FAM193A: variants seen among roughly 807,000 people sequenced by gnomAD.
FAM193A encodes the protein family with sequence similarity 193 member A.
Under a neutral mutation model 126.5 loss-of-function variants are expected in FAM193A, and 22 were observed. That is an observed-to-expected ratio of 0.17 (90% CI 0.12 to 0.25). The LOEUF is 0.25. Ranked by LOEUF, FAM193A falls within the 10% of genes least tolerant of loss-of-function variation. The probability of loss-of-function intolerance (pLI) is 1.00; values close to 1 mark genes in which losing one functional copy is unlikely to be tolerated. For missense variants in FAM193A, 1,675 were observed against 1,672.8 expected (o/e 1.00, Z -0.02); for synonymous variants, 761 against 646.8 (o/e 1.18, Z -2.68).
intron 12 of FAM193A, among the ~76,000 whole-genome samples, chr4:2,668,925 C>G (rs1242112041): frequency 6.6e-6 from 1 of 152,104 alleles, no homozygotes; most frequent in Non-Finnish European, 1.5e-5. Flanking sequence ...TCACTTCAAC[C>G]TCCACCTCCC....
In FAM193A at chr4:2,715,589, A is replaced by G. The variant is rs542115349; in HGVS notation, c.4373-434A>G. 2,470 of 876,460 alleles carry G rather than the reference A, an allele frequency of 2.8e-3. 5 individuals are homozygous for G. Among genetic ancestry groups the G allele is most frequent in the Non-Finnish European group, 3.2e-3 (2,311 of 719,490 alleles). The allele number at this position is 876,460 out of a possible 1,614,324, so 54.3% of individuals were successfully genotyped here. The stretch of plus-strand genomic sequence containing the variant: ...CATTCGAGGGACAGCCCTTTCCTTA[A>G]CATGGGCCTGTCCCCTGGGCAGCTT... On this transcript the variant is annotated intron_variant, in intron 19 of 20. Coordinates refer to ENST00000637812, the MANE Select transcript of FAM193A (RefSeq NM_001366318.2).
chr4:2,541,272 T>C (rs1284406697), intron 1 of FAM193A, among the ~76,000 whole-genome samples: 1 of 151,488 alleles, frequency 6.6e-6, no homozygotes, highest in Non-Finnish European at 1.5e-5. Context: ...GTGGAGATTG[T>C]CATGAGCTGA....
At chr4:2,548,384 T>C (rs1443323778) in intron 1 of FAM193A, among the ~76,000 whole-genome samples, 1 of 152,100 alleles carries the variant, frequency 6.6e-6, no homozygotes, top group East Asian at 1.9e-4. Context: ...TTTGCCTATT[T>C]TTTGAAAGTT....
At chr4:2,667,438 C>A (rs1713248557) in intron 12 of FAM193A, among the ~76,000 whole-genome samples, 1 of 152,180 alleles carries the variant, frequency 6.6e-6, no homozygotes, top group South Asian at 2.1e-4. Flanking sequence ...TCAAGTTTAA[C>A]TGTTGGATTA....
At chr4:2,621,945 G>C (rs1300204617) in intron 2 of FAM193A, among the ~76,000 whole-genome samples, 1 of 152,182 alleles carries the variant, frequency 6.6e-6, no homozygotes, top group South Asian at 2.1e-4. Flanking sequence ...CAGGTACTCA[G>C]GTCCAGTCTA....
intron 8 of FAM193A, 83 bp from the exon 9 acceptor site, chr4:2,659,475 T>C (rs1712132771): frequency 3.2e-6 from 3 of 938,460 alleles, no homozygotes; most frequent in South Asian, 1.4e-5. Context: ...ACATGATACA[T>C]GTCAGCAGAA....
intron 2 of FAM193A, among the ~76,000 whole-genome samples, chr4:2,613,453 A>G (rs1337506433): frequency 4.3e-5 from 5 of 115,434 alleles, no homozygotes; most frequent in African/African-American, 1.7e-4. Flanking sequence ...GCCTTTTGGT[A>G]GGTTTCTTTT....
chr4:2,671,584 C>T (rs143594312), intron 12 of FAM193A, among the ~76,000 whole-genome samples: 154 of 152,276 alleles, frequency 1.0e-3, no homozygotes, highest in African/African-American at 3.6e-3. Context: ...ATAAATGTGT[C>T]GCGGTATTTT....
chr4:2,553,521 C>A (rs1407936628), intron 1 of FAM193A, among the ~76,000 whole-genome samples: 1 of 151,884 alleles, frequency 6.6e-6, no homozygotes, highest in Non-Finnish European at 1.5e-5. Context: ...GCTGGGACTA[C>A]AGGCGCGCAC....
intron 1 of FAM193A, among the ~76,000 whole-genome samples, chr4:2,583,135 G>C (rs116296152): frequency 6.6e-6 from 1 of 152,158 alleles, no homozygotes; most frequent in African/African-American, 2.4e-5. Flanking sequence ...GCCAATTATT[G>C]TATTTTCAGT....
chr4:2,618,118 C>G (rs1742317497), intron 2 of FAM193A, among the ~76,000 whole-genome samples: 1 of 151,984 alleles, frequency 6.6e-6, no homozygotes, highest in African/African-American at 2.4e-5. Context: ...TATCTTTGCT[C>G]CTGCATATGT....
intron 19 of FAM193A, chr4:2,715,390 A>C: frequency 8.8e-6 from 4 of 455,894 alleles, no homozygotes; most frequent in Non-Finnish European, 1.2e-5. Context: ...TTGAGCCTGG[A>C]AGATGGAGGT....
At chr4:2,617,147 G>T (rs1188661191) in intron 2 of FAM193A, among the ~76,000 whole-genome samples, 7 of 104,690 alleles carry the variant, frequency 6.7e-5, no homozygotes, top group Non-Finnish European at 1.1e-4. Flanking sequence ...GAGCCTGGGC[G>T]ACAGAGCGAG....
intron 7 of FAM193A, among the ~76,000 whole-genome samples, chr4:2,648,866 G>A (rs1369130887): frequency 1.3e-5 from 2 of 152,220 alleles, no homozygotes; most frequent in African/African-American, 4.8e-5. Context: ...GGCCGTGCAG[G>A]AGGGCCAGTA....
At chr4:2,701,390 T>C (rs558832345) in intron 19 of FAM193A, among the ~76,000 whole-genome samples, 1 of 152,240 alleles carries the variant, frequency 6.6e-6, no homozygotes, top group South Asian at 2.1e-4. Flanking sequence ...GGTTTCTCTG[T>C]TTTTCATGAC....
At chr4:2,592,049 A>C (rs1364466968) in intron 1 of FAM193A, among the ~76,000 whole-genome samples, 1 of 152,076 alleles carries the variant, frequency 6.6e-6, no homozygotes. Flanking sequence ...TGTTTGTAGG[A>C]TTTGGGGGAT....
intron 13 of FAM193A, among the ~76,000 whole-genome samples, chr4:2,689,043 C>G (rs1716066591): frequency 6.6e-6 from 1 of 152,260 alleles, no homozygotes; most frequent in Admixed American, 6.5e-5. Flanking sequence ...ACAAATTTCT[C>G]TAGGTCATTA....
chr4:2,662,726 T>C (rs530285434), intron 10 of FAM193A, 112 bp from the exon 11 acceptor site: 1 of 744,414 alleles, frequency 1.3e-6, no homozygotes, highest in East Asian at 2.5e-5. Flanking sequence ...ACTAATACTC[T>C]TTGTAAATGA....
chr4:2,704,627 C>T lies in FAM193A; in HGVS notation c.4372+4083C>T, dbSNP rs368929149. Among the ~76,000 whole-genome samples the T allele has an allele frequency of 1.4e-4, 22 of 152,142 alleles. No individual in the cohort carries two copies. In the East Asian group the frequency reaches 2.7e-3, roughly 19 times the overall value. Reference sequence around the variant, plus strand: ...GCTTTCATAGTTTTTTTGCTAGCTACGTCCAAGTTCTCCAAACCCTCCAGT... The same window carrying T: ...GCTTTCATAGTTTTTTTGCTAGCTATGTCCAAGTTCTCCAAACCCTCCAGT... On this transcript the variant is annotated intron_variant, in intron 19 of 20. Transcript: ENST00000637812.
Sources: gnomAD v4.1 joint callset for allele counts (sites outside exome capture counted in the v4.1 genomes callset) on GRCh38, gnomAD v4.1.1 for gene constraint, MANE v1.5 for transcripts, NCBI Gene and HGNC (gene_info 2026-07-23, HGNC 2026-07-21) for gene names.